Variants in ST3GAL6 observed in about 807,000 individuals in gnomAD.
ST3GAL6 encodes type 2 lactosamine alpha-2,3-sialyltransferase.
In ST3GAL6, 31 loss-of-function variants were observed where a neutral mutation model predicts 40.5. That is an observed-to-expected ratio of 0.77 (90% CI 0.58 to 1.03). The LOEUF is 1.03. Ranked by LOEUF, ST3GAL6 falls within the 50% of genes least tolerant of loss-of-function variation. ST3GAL6 has a pLI of 0.00. For synonymous variants in ST3GAL6, 129 were observed against 136.9 expected (o/e 0.94, Z 0.40); for missense variants, 357 against 393.2 (o/e 0.91, Z 0.78).
chr3:98,763,278 G>A, upstream of ST3GAL6: 1 of 1,278,846 alleles, frequency 7.8e-7, no homozygotes, highest in Non-Finnish European at 1.0e-6. Context: ...TAAGTACAAA[G>A]AGGAAGGAAG....
rs114288366 is a variant in ST3GAL6, at chr3:98,793,680, G to A, written c.915G>A (p.Ala305=). 29 of 1,578,372 alleles carry A rather than the reference G, an allele frequency of 1.8e-5. No individual in the cohort carries two copies. Among genetic ancestry groups the A allele is most frequent in the African/African-American group, 1.2e-4 (9 of 73,414 alleles). The part of the protein sequence containing the change: ...NATMSLMNKN[A]YHNVTAEQLF... The stretch of plus-strand genomic sequence containing the variant: ...ATTGTATTTTTCTTCTTTAGAACGC[G>A]TATCACAATGTGACTGCAGAGCAGC... The change falls in exon 10 of 10, where the codon GCG becomes GCA. Residue 305 remains alanine (A), a synonymous_variant. Transcript: ENST00000483910.
intron 2 of ST3GAL6, 44 bp from the exon 3 acceptor site, chr3:98,770,835 G>T: frequency 1.9e-6 from 3 of 1,567,446 alleles, no homozygotes; most frequent in Non-Finnish European, 2.6e-6. Flanking sequence ...TTTGGGCAGG[G>T]TGCCCGATTC....
chr3:98,749,964 G>A (rs927540625), intron 1 of ST3GAL6, among the ~76,000 whole-genome samples: 2 of 152,190 alleles, frequency 1.3e-5, no homozygotes, highest in African/African-American at 4.8e-5. Flanking sequence ...GTTGGGAGGT[G>A]AAATTCCAGG....
intron 1 of ST3GAL6, among the ~76,000 whole-genome samples, chr3:98,767,326 T>G (rs1311828350): frequency 6.6e-6 from 1 of 152,222 alleles, no homozygotes; most frequent in Non-Finnish European, 1.5e-5. Context: ...GTTTAGTATA[T>G]TCTACTTATG....
upstream of ST3GAL6, chr3:98,762,907 G>C: frequency 1.0e-6 from 1 of 985,380 alleles, no homozygotes; most frequent in Non-Finnish European, 1.2e-6. Flanking sequence ...TTAGTAAGTG[G>C]TTAATAAACT....
At chr3:98,769,899 G>GTGC (rs1938784303) in intron 2 of ST3GAL6, among the ~76,000 whole-genome samples, 1 of 152,102 alleles carries the variant, frequency 6.6e-6, no homozygotes, top group Non-Finnish European at 1.5e-5. Flanking sequence ...TTGGTCTAGT[G>GTGC]TGCTGGTCCA....
Position 98,768,427 on chromosome 3 carries a change from C to T in ST3GAL6, c.-11-3C>T, listed in dbSNP as rs1333937643. The T allele has an allele frequency of 6.2e-7, 1 of 1,612,308 alleles. No individual in the cohort carries two copies. Among genetic ancestry groups the T allele is most frequent in the Non-Finnish European group, 8.5e-7 (1 of 1,178,590 alleles). ...GCTTTGGACTTCATTCCTTGTGTTT[C>T]AGGTGAGCCAGCCATGAGAGGGTAT... is the stretch of plus-strand genomic sequence containing the variant. On this transcript the variant is annotated splice_region_variant and splice_polypyrimidine_tract_variant and intron_variant, in intron 1 of 9. Coordinates refer to ENST00000483910, the MANE Select transcript of ST3GAL6 (RefSeq NM_001323368.2).
intron 3 of ST3GAL6, 52 bp from the exon 4 acceptor site, chr3:98,772,760 CT>C (rs1939131932): frequency 8.2e-7 from 1 of 1,215,022 alleles, no homozygotes; most frequent in African/African-American, 1.5e-5. Flanking sequence ...ATTTTAAAAG[CT>C]TGCAAATATA....
chr3:98,733,156 A>G, intron 1 of ST3GAL6: 1 of 1,233,406 alleles, frequency 8.1e-7, no homozygotes, highest in Non-Finnish European at 1.0e-6. Context: ...GCCCCTCCAC[A>G]TATCCTGCCA....
chr3:98,745,335 C>T (rs942741937), intron 1 of ST3GAL6, among the ~76,000 whole-genome samples: 4 of 152,142 alleles, frequency 2.6e-5, no homozygotes, highest in African/African-American at 9.7e-5. Context: ...CGCCTGTGAA[C>T]TTATCTGTTT....
At chr3:98,736,251 T>A (rs907529724) in intron 1 of ST3GAL6, among the ~76,000 whole-genome samples, 5 of 152,230 alleles carry the variant, frequency 3.3e-5, no homozygotes, top group Middle Eastern at 6.3e-3. Flanking sequence ...TGAAAAGTTA[T>A]CTTCTCCCCC....
intron 1 of ST3GAL6, among the ~76,000 whole-genome samples, chr3:98,753,425 T>C (rs1442051160): frequency 1.3e-5 from 2 of 152,230 alleles, no homozygotes; most frequent in African/African-American, 4.8e-5. Context: ...CAACAAGTTA[T>C]CCAGATCTAG....
chr3:98,770,750 C>A, intron 2 of ST3GAL6, 129 bp from the exon 3 acceptor site: 1 of 719,730 alleles, frequency 1.4e-6, no homozygotes. Flanking sequence ...TCAAGAGGTG[C>A]AGGGAGTATT....
intron 1 of ST3GAL6, among the ~76,000 whole-genome samples, chr3:98,743,024 T>TC (rs1936247048): frequency 1.6e-5 from 2 of 128,884 alleles, no homozygotes; most frequent in Non-Finnish European, 3.3e-5. Flanking sequence ...TTTTTTTTTT[T>TC]CTGAGACAAG....
chr3:98,752,914 C>T (rs996894927), intron 1 of ST3GAL6, among the ~76,000 whole-genome samples: 1 of 152,166 alleles, frequency 6.6e-6, no homozygotes, highest in Non-Finnish European at 1.5e-5. Flanking sequence ...TCTTCCTCCC[C>T]TTGGGCTTCC....
chr3:98,762,493 C>A (rs1005363247), upstream of ST3GAL6, among the ~76,000 whole-genome samples: 2 of 151,882 alleles, frequency 1.3e-5, no homozygotes, highest in Admixed American at 1.3e-4. Flanking sequence ...TTTTTTATTT[C>A]TTTAATTATG....
intron 1 of ST3GAL6, chr3:98,733,083 C>G: frequency 2.9e-6 from 4 of 1,363,784 alleles, no homozygotes; most frequent in South Asian, 1.7e-5. Context: ...TGTGCTGCCC[C>G]GACCCTCCGG....
chr3:98,754,714 C>T (rs985515384), intron 1 of ST3GAL6, among the ~76,000 whole-genome samples: 2 of 152,190 alleles, frequency 1.3e-5, no homozygotes, highest in Non-Finnish European at 2.9e-5. Flanking sequence ...GTCACAGCCA[C>T]CCCAACCTTT....
chr3:98,780,336 T>C (rs1309716067), intron 5 of ST3GAL6, among the ~76,000 whole-genome samples: 1 of 152,132 alleles, frequency 6.6e-6, no homozygotes, highest in Admixed American at 6.5e-5. Flanking sequence ...TTCAGAAAAA[T>C]GCGTAAATCT....
Sources: gnomAD v4.1 joint callset for allele counts (sites outside exome capture counted in the v4.1 genomes callset) on GRCh38, gnomAD v4.1.1 for gene constraint, MANE v1.5 for transcripts, NCBI Gene and HGNC (gene_info 2026-07-23, HGNC 2026-07-21) for gene names.